Variants in TRHDE observed in about 807,000 individuals in gnomAD.
The protein encoded by TRHDE is thyrotropin releasing hormone degrading enzyme.
TRHDE carries 72 observed loss-of-function variants against 125.7 expected under a neutral mutation model. The observed-to-expected ratio is 0.57, with a 90% CI of 0.47 to 0.70. The LOEUF (loss-of-function observed/expected upper bound fraction) is 0.70, where lower values mean the gene tolerates loss of function less well. Ranked by LOEUF, TRHDE falls within the 30% of genes least tolerant of loss-of-function variation. TRHDE has a pLI of 0.00. For missense variants in TRHDE, 1,110 were observed against 1,327.1 expected, an observed-to-expected ratio of 0.84 and a Z score of 2.54; for synonymous variants, 509 against 509.1, an observed-to-expected ratio of 1.00 and a Z score of 0.00.
chr12:72,174,747 G>T (rs1386721620), intron 2 of TRHDE, among the ~76,000 whole-genome samples: 1 of 152,092 alleles, frequency 6.6e-6, no homozygotes, highest in Non-Finnish European at 1.5e-5. Context: ...CCTTCTTAGT[G>T]CTTCATATCA....
chr12:72,131,582 G>T (rs1395209297), intron 2 of TRHDE, among the ~76,000 whole-genome samples: 1 of 151,604 alleles, frequency 6.6e-6, no homozygotes, highest in Non-Finnish European at 1.5e-5. Context: ...TGATATATTT[G>T]CATGAAATGA....
chr12:72,323,481 C>T (rs1252122880), intron 2 of TRHDE, among the ~76,000 whole-genome samples: 1 of 152,092 alleles, frequency 6.6e-6, no homozygotes, highest in African/African-American at 2.4e-5. Context: ...TTTGTCCTTC[C>T]CACAACTCCA....
intron 2 of TRHDE, among the ~76,000 whole-genome samples, chr12:72,222,357 A>G (rs1231360892): frequency 1.3e-5 from 2 of 152,116 alleles, no homozygotes; most frequent in East Asian, 3.9e-4. Context: ...ACTAAGTCAC[A>G]GGTTGCTGAC....
rs187790920 is a variant in TRHDE, at chr12:72,121,452, T to C, written n.279+15700T>C. Among the ~76,000 whole-genome samples, 210 of 152,260 alleles carry C rather than the reference T, an allele frequency of 1.4e-3. 1 individual carries two copies. Among genetic ancestry groups the C allele is most frequent in the African/African-American group, 4.6e-3 (192 of 41,566 alleles). ...TTGGTCTAATTGCTTCCTCTGTGGG[T>C]ACTAGCTGAGTTTTGCCCTGTGTTG... On this transcript the variant is annotated intron_variant and non_coding_transcript_variant, in intron 2 of 4. Transcript: ENST00000548156.
chr12:72,285,094 T>C (rs1291178660), intron 1 of TRHDE, among the ~76,000 whole-genome samples: 1 of 152,218 alleles, frequency 6.6e-6, no homozygotes, highest in African/African-American at 2.4e-5. Context: ...CTTTAAAAAA[T>C]GAGGCCCTCA....
At chr12:72,598,646 C>G (rs924083896) in intron 12 of TRHDE, among the ~76,000 whole-genome samples, 2 of 152,088 alleles carry the variant, frequency 1.3e-5, no homozygotes, top group African/African-American at 4.8e-5. Context: ...GTGAAGAATT[C>G]CTGGAGAGCA....
intron 3 of TRHDE, among the ~76,000 whole-genome samples, chr12:72,397,391 T>G (rs1315080525): frequency 6.6e-6 from 1 of 152,200 alleles, no homozygotes; most frequent in East Asian, 1.9e-4. Context: ...CTTTTCCTAT[T>G]GTCCATTCTA....
At chr12:72,636,715 A>C (rs903713552) in intron 15 of TRHDE, among the ~76,000 whole-genome samples, 30 of 152,158 alleles carry the variant, frequency 2.0e-4, no homozygotes, top group Admixed American at 7.2e-4. Flanking sequence ...TAGCATGAAG[A>C]GTTGTTGAAT....
intron 15 of TRHDE, among the ~76,000 whole-genome samples, chr12:72,639,125 A>G (rs1337055944): frequency 2.0e-5 from 3 of 150,188 alleles, no homozygotes; most frequent in African/African-American, 4.9e-5. Context: ...CATTCTCCCC[A>G]TCACTTTCAG....
chr12:72,424,743 A>T (rs1412893765), intron 3 of TRHDE, among the ~76,000 whole-genome samples: 1 of 152,062 alleles, frequency 6.6e-6, no homozygotes, highest in Non-Finnish European at 1.5e-5. Flanking sequence ...TTGTTTTGTT[A>T]TGTTTTCTGT....
chr12:72,175,837 G>C (rs186840255), intron 2 of TRHDE, among the ~76,000 whole-genome samples: 2 of 152,190 alleles, frequency 1.3e-5, no homozygotes, highest in African/African-American at 4.8e-5. Flanking sequence ...CAATTCAGAA[G>C]AATTTTAGAG....
chr12:72,360,199 A>G (rs1871004657), intron 2 of TRHDE, among the ~76,000 whole-genome samples: 1 of 151,820 alleles, frequency 6.6e-6, no homozygotes, highest in South Asian at 2.1e-4. Context: ...ATTTCATTAA[A>G]AAGACCCAGA....
chr12:72,401,787 T>C (rs1873052661), intron 3 of TRHDE, among the ~76,000 whole-genome samples: 1 of 152,146 alleles, frequency 6.6e-6, no homozygotes, highest in Admixed American at 6.6e-5. Context: ...TAGTAATAAC[T>C]TGGGTTGGAG....
chr12:72,568,461 A>G, intron 9 of TRHDE, 107 bp from the exon 10 acceptor site: 1 of 643,934 alleles, frequency 1.6e-6, no homozygotes, highest in Non-Finnish European at 2.5e-6. Context: ...TTTTTAGTTC[A>G]CCTAATGAGA....
chr12:72,609,916 C>A (rs965633399), intron 12 of TRHDE, among the ~76,000 whole-genome samples: 1 of 152,114 alleles, frequency 6.6e-6, no homozygotes, highest in African/African-American at 2.4e-5. Flanking sequence ...TCCCATGTGG[C>A]CCCTTTAGAG....
intron 18 of TRHDE, among the ~76,000 whole-genome samples, chr12:72,661,104 G>T (rs1874900223): frequency 6.6e-6 from 1 of 152,154 alleles, no homozygotes; most frequent in Non-Finnish European, 1.5e-5. Context: ...CACAAGGGGA[G>T]TATTTACTGC....
chr12:72,372,387 A>G (rs1174444331), intron 2 of TRHDE, among the ~76,000 whole-genome samples: 1 of 152,028 alleles, frequency 6.6e-6, no homozygotes, highest in Admixed American at 6.6e-5. Flanking sequence ...GAAGCTCTTT[A>G]GTTTAATTAG....
At chr12:72,244,667 A>G (rs995084597) in intron 2 of TRHDE, among the ~76,000 whole-genome samples, 15 of 152,258 alleles carry the variant, frequency 9.9e-5, no homozygotes, top group African/African-American at 3.1e-4. Flanking sequence ...TTAAGTTTAT[A>G]TACATATTTT....
chr12:72,545,405 T>TTCATTACAGTTATGA (rs1869369231), intron 7 of TRHDE, among the ~76,000 whole-genome samples: 1 of 151,554 alleles, frequency 6.6e-6, no homozygotes, highest in African/African-American at 2.4e-5. Flanking sequence ...ATGAAATGTT[T>TTCATTACAGTTATGA]AAGAGTTGAA....
Sources: gnomAD v4.1 joint callset for allele counts (sites outside exome capture counted in the v4.1 genomes callset) on GRCh38, gnomAD v4.1.1 for gene constraint, MANE v1.5 for transcripts, NCBI Gene and HGNC (gene_info 2026-07-23, HGNC 2026-07-21) for gene names.